PTCH1: variants seen among roughly 807,000 people sequenced by gnomAD.
PTCH1 encodes protein patched homolog 1.
A neutral mutation model predicts 144.6 loss-of-function variants in PTCH1; 14 were observed. The observed-to-expected ratio is 0.10, with a 90% CI of 0.06 to 0.15. The LOEUF is 0.15. Among genes scored for constraint, PTCH1 ranks in the 10% least tolerant of loss-of-function variants. The pLI, the probability that PTCH1 is intolerant of heterozygous loss-of-function variation, is 1.00. For synonymous variants in PTCH1, 833 were observed against 793.6 expected (o/e 1.05, Z -0.83); for missense variants, 1,623 against 1,948.3 (o/e 0.83, Z 3.14).
At chr9:95,510,961 A>C (rs1471500267), upstream of PTCH1, among the ~76,000 whole-genome samples, 2 of 150,140 alleles carry the variant, frequency 1.3e-5, no homozygotes, top group East Asian at 2.0e-4. Context: ...GTCTCCCGAG[A>C]GCCCAGGCGA....
Position 95,447,355 on chromosome 9 carries a change from G to A in PTCH1, c.3901C>T (p.Gln1301Ter), listed in dbSNP as rs2136582554. 1 of 1,613,456 alleles carries A rather than the reference G, an allele frequency of 6.2e-7. No homozygotes were observed. The highest frequency in any genetic ancestry group is 8.5e-7 in the Non-Finnish European group (1 of 1,179,900). Residue 1301 changes from glutamine (Q) to a stop codon, truncating the protein, a stop_gained, in exon 23 of 24, where the codon CAG becomes TAG. Coordinates refer to ENST00000331920, the MANE Select transcript of PTCH1 (RefSeq NM_000264.5). LOFTEE classifies it high-confidence loss of function. ...GSLPPGRQGQ[Q>*]PRRDPPREGL... ...TCTCTGGGGGGGTCCCTGCGGGGCT[G>A]CTGGCCTTGCCGTCCGGGAGGCAGG...
chr9:95,464,137 G>A (rs1839789304), intron 15 of PTCH1, among the ~76,000 whole-genome samples: 1 of 152,118 alleles, frequency 6.6e-6, no homozygotes, highest in Non-Finnish European at 1.5e-5. Flanking sequence ...CACTCTACTG[G>A]GGGTTCAAAG....
intron 5 of PTCH1, 187 bp downstream of exon 5, chr9:95,481,762 T>C (rs914138138): frequency 2.8e-5 from 18 of 634,054 alleles, no homozygotes; most frequent in Non-Finnish European, 4.1e-5. Context: ...AATTGTTTTT[T>C]GAAAAGAGAA....
chr9:95,475,781 T>C (rs1840980845), intron 12 of PTCH1, among the ~76,000 whole-genome samples: 1 of 152,002 alleles, frequency 6.6e-6, no homozygotes, highest in Non-Finnish European at 1.5e-5. Flanking sequence ...GGCCACTCTA[T>C]AAGGCAACAG....
intron 2 of PTCH1, among the ~76,000 whole-genome samples, chr9:95,495,846 C>A (rs1842752014): frequency 6.6e-6 from 1 of 152,152 alleles, no homozygotes; most frequent in South Asian, 2.1e-4. Flanking sequence ...CCCAGGGAAT[C>A]ATTTACCTAC....
exon 1 of PTCH1, chr9:95,516,617 C>A: frequency 6.2e-7 from 1 of 1,608,140 alleles, no homozygotes; most frequent in East Asian, 2.2e-5. Context: ...CTCGTCTCCC[C>A]CTTGCCTTGT....
At chr9:95,516,151 A>C in intron 1 of PTCH1, among the ~76,000 whole-genome samples, 1 of 151,272 alleles carries the variant, frequency 6.6e-6, no homozygotes. Flanking sequence ...CTCCGTGAGA[A>C]TTCCCCCCGG....
intron 18 of PTCH1, 40 bp from the exon 19 acceptor site, chr9:95,456,453 A>G (rs2136651297): frequency 6.2e-7 from 1 of 1,608,534 alleles, no homozygotes; most frequent in Non-Finnish European, 8.5e-7. Flanking sequence ...CGGGCAGGTC[A>G]CCCTCTGGGG....
At position 95,447,414 on chromosome 9, in the gene PTCH1, T is replaced by A. The variant is rs375088607; in HGVS notation, c.3842A>T (p.Asn1281Ile). The A allele has an allele frequency of 6.2e-7, 1 of 1,604,620 alleles. No individual in the cohort carries two copies. Among genetic ancestry groups the A allele is most frequent in the Non-Finnish European group, 8.5e-7 (1 of 1,175,974 alleles). ...HPESRHHPPS[N>I]PRQQPHLDSG... ...GTCCAGGTGGGGCTGCTGTCTCGGG[T>A]TCGAGGGTGGGTGATGCCTGGATTC... The change falls in exon 23 of 24, where the codon AAC becomes ATC. Residue 1281 changes from asparagine (N) to isoleucine (I), a missense_variant. Physicochemically the swap from Asn to Ile is moderately radical, Grantham distance 149. Transcript: ENST00000331920.
intron 2 of PTCH1, among the ~76,000 whole-genome samples, chr9:95,505,456 T>G (rs1028224389): frequency 2.6e-5 from 4 of 152,156 alleles, no homozygotes; most frequent in African/African-American, 9.7e-5. Flanking sequence ...GGAAAAAAAT[T>G]GAAACCTTTG....
intron 2 of PTCH1, among the ~76,000 whole-genome samples, chr9:95,505,729 G>A (rs1414817272): frequency 6.6e-6 from 1 of 150,992 alleles, no homozygotes; most frequent in Non-Finnish European, 1.5e-5. Flanking sequence ...GCAAACATGC[G>A]TTCCAGTCTG....
At chr9:95,456,553 T>C (rs1348361609) in intron 18 of PTCH1, 140 bp from the exon 19 acceptor site, 13 of 1,149,812 alleles carry the variant, frequency 1.1e-5, no homozygotes, top group Non-Finnish European at 1.6e-5. Flanking sequence ...CTCTGGACAC[T>C]GCCTTTACTG....
intron 1 of PTCH1, chr9:95,506,937 C>T (rs1843711867): frequency 1.9e-6 from 2 of 1,044,214 alleles, no homozygotes; most frequent in Non-Finnish European, 2.3e-6. Context: ...CAATATTCAC[C>T]CCAGAGCTGA....
At position 95,468,911 on chromosome 9, in the gene PTCH1, A is replaced by C. The variant is rs199892130; in HGVS notation, c.2090T>G (p.Leu697Arg). 25 of 1,613,954 alleles carry C rather than the reference A, an allele frequency of 1.5e-5. No individual in the cohort carries two copies. Among genetic ancestry groups the C allele is most frequent in the Non-Finnish European group, 2.0e-5 (24 of 1,179,994 alleles). Reference sequence around the variant, plus strand: ...GGTGCTCTCTGGGCTCTGGCAGCTGAGGGTGTCCTGTGTCACGGTGACGGG... The same window carrying C: ...GGTGCTCTCTGGGCTCTGGCAGCTGCGGGTGTCCTGTGTCACGGTGACGGG... ...VQPVTVTQDT[L>R]SCQSPESTSS... is the part of the protein sequence containing the mutation. The change falls in exon 14 of 24, where the codon CTC becomes CGC. Residue 697 changes from leucine (L) to arginine (R), a missense_variant. Physicochemically the swap from Leu to Arg is moderately radical, Grantham distance 102. Coordinates refer to ENST00000331920, the MANE Select transcript of PTCH1 (RefSeq NM_000264.5).
At chr9:95,504,895 GC>G (rs1325253591) in intron 2 of PTCH1, among the ~76,000 whole-genome samples, 4 of 152,164 alleles carry the variant, frequency 2.6e-5, no homozygotes, top group Non-Finnish European at 5.9e-5. Context: ...TTAACACAGT[GC>G]TAGGGACATC....
chr9:95,462,821 C>A (rs1209245825), intron 15 of PTCH1, among the ~76,000 whole-genome samples: 1 of 152,200 alleles, frequency 6.6e-6, no homozygotes, highest in Non-Finnish European at 1.5e-5. Context: ...AGCCCGCCAG[C>A]ACACCACACA....
In PTCH1 at chr9:95,447,194, G is replaced by A. The variant is rs750183334; in HGVS notation, c.4062C>T (p.Ser1354=). ...CGGGCACGGAGCTGCCCATGGCAGT[G>A]GACGCTGGGTTCCGAGGGTTGTGAG... ...ARSHNPRNPA[S]TAMGSSVPGY... is the part of the protein sequence containing the mutation. Residue 1354 remains serine (S), a synonymous_variant, in exon 23 of 24, where the codon TCC becomes TCT. Transcript: ENST00000331920. The A allele has an allele frequency of 2.3e-5, 37 of 1,612,904 alleles. No individual in the cohort carries two copies. Among genetic ancestry groups the A allele is most frequent in the African/African-American group, 4.0e-5 (3 of 74,958 alleles).
At position 95,485,746 on chromosome 9, in the gene PTCH1, G is replaced by A. The variant is rs2118541203; in HGVS notation, c.523C>T (p.Leu175Phe). 1 of 1,614,210 alleles carries A rather than the reference G, an allele frequency of 6.2e-7. No homozygotes were observed. The part of the protein sequence containing the change: ...EGANVLTTEA[L>F]LQHLDSALQA... ...AGTGCCGAGTCCAGGTGTTGTAGGA[G>A]CGCTTCTGTGGTCAGGACATTAGCA... The change falls in exon 3 of 24, where the codon CTC (leucine) becomes TTC (phenylalanine). Residue 175 changes from leucine (L) to phenylalanine (F), a missense_variant. Leu to Phe is a conservative substitution (Grantham distance 22). Coordinates refer to ENST00000331920, the MANE Select transcript of PTCH1 (RefSeq NM_000264.5).
chr9:95,479,845 C>G, intron 7 of PTCH1, 124 bp downstream of exon 7: 2 of 1,500,218 alleles, frequency 1.3e-6, no homozygotes, highest in South Asian at 1.1e-5. Flanking sequence ...ATGACGCCAC[C>G]TGGCTAGCGA....
Sources: gnomAD v4.1 joint callset for allele counts (sites outside exome capture counted in the v4.1 genomes callset) on GRCh38, gnomAD v4.1.1 for gene constraint, MANE v1.5 for transcripts, NCBI Gene and HGNC (gene_info 2026-07-23, HGNC 2026-07-21) for gene names.